ERC1: variants seen among roughly 807,000 people sequenced by gnomAD.
ERC1 encodes the protein RAB6 interacting protein 2.
In ERC1, 56 loss-of-function variants were observed where a neutral mutation model predicts 132.0. The ratio of observed to expected loss-of-function variants is 0.42; its 90% CI spans 0.34 to 0.53. The LOEUF (loss-of-function observed/expected upper bound fraction) is 0.53, where lower values mean the gene tolerates loss of function less well. ERC1 is among the 20% of genes least tolerant of loss of function. The pLI is 0.03. For missense variants in ERC1, 1,202 were observed against 1,349.9 expected (o/e 0.89, Z 1.72); for synonymous variants, 478 against 476.1 (o/e 1.00, Z -0.05).
intron 1 of ERC1, among the ~76,000 whole-genome samples, chr12:1,017,253 T>A (rs1249209598): frequency 1.3e-5 from 2 of 152,180 alleles, no homozygotes; most frequent in Non-Finnish European, 2.9e-5. Flanking sequence ...CGCCTCAGCC[T>A]CCCAAAGTGC....
intron 2 of ERC1, among the ~76,000 whole-genome samples, chr12:1,063,115 G>A (rs1328825656): frequency 7.2e-5 from 11 of 151,888 alleles, no homozygotes. Flanking sequence ...CCAGGCTGGA[G>A]TGACTGTAGT....
chr12:1,150,993 AATGTAAG>A (rs1364990653), intron 8 of ERC1, among the ~76,000 whole-genome samples: 13 of 152,216 alleles, frequency 8.5e-5, no homozygotes, highest in Non-Finnish European at 1.6e-4. Context: ...GTGTCATACT[AATGTAAG>A]ATGTTAACAG....
At chr12:1,136,074 T>G (rs1381983679) in intron 7 of ERC1, among the ~76,000 whole-genome samples, 1 of 152,208 alleles carries the variant, frequency 6.6e-6, no homozygotes, top group Non-Finnish European at 1.5e-5. Flanking sequence ...CCATTTAGTC[T>G]TCTTCATCAG....
At chr12:1,132,448 C>T (rs55846332) in intron 7 of ERC1, among the ~76,000 whole-genome samples, 7,359 of 152,190 alleles carry the variant, frequency 0.048, 265 homozygotes, top group Middle Eastern at 0.1. Context: ...TCACCTTTTT[C>T]GGTCACCAAT....
At chr12:1,272,647 C>G (rs143339684) in intron 14 of ERC1, among the ~76,000 whole-genome samples, 2 of 152,056 alleles carry the variant, frequency 1.3e-5, no homozygotes, top group African/African-American at 4.8e-5. Context: ...CCATGGTCTT[C>G]TCATAAAAAG....
At position 1,495,416 on chromosome 12, in the gene ERC1, C is replaced by A; in HGVS notation, c.*5186C>A. ...CCACTGTCAGGAAAGGAAGTGAACC[C>A]TACTGAAGCCAGAGAATTCACCCCG... On this transcript the variant is annotated 3_prime_UTR_variant, in exon 19 of 19. Transcript: ENST00000360905. 1 of 228,416 alleles carries A rather than the reference C, an allele frequency of 4.4e-6. No homozygotes were observed. The highest frequency in any genetic ancestry group is 8.7e-6 in the Non-Finnish European group (1 of 115,040). 14.1% of individuals were successfully genotyped at this position (228,416 alleles called of 1,614,324 possible).
rs188194442 is a variant in ERC1, at chr12:1,485,239, C to T, written c.3214-4854C>T. ...TTTTTTTTTGAGACAGAGTCTCGCT[C>T]TGTCACCCAGGCTGGAGTGCAGTGG... On this transcript the variant is annotated intron_variant, in intron 18 of 18. Coordinates refer to ENST00000360905, the MANE Select transcript of ERC1 (RefSeq NM_178040.4). Among the ~76,000 whole-genome samples, 1,262 of 133,096 alleles carry T rather than the reference C, an allele frequency of 9.5e-3. 18 individuals are homozygous for T. Among genetic ancestry groups the T allele is most frequent in the African/African-American group, 0.033 (1,133 of 34,652 alleles). The allele number at this position is 133,096 out of a possible 152,430, so 87.3% of individuals were successfully genotyped here. A position where few individuals can be genotyped will look rare whatever the true frequency, so the allele number is the denominator to read the frequency against.
At chr12:1,423,667 A>G (rs547196770) in intron 17 of ERC1, among the ~76,000 whole-genome samples, 4 of 152,326 alleles carry the variant, frequency 2.6e-5, no homozygotes, top group African/African-American at 9.6e-5. Context: ...ATTGCAGAGA[A>G]AGAAGCATTC....
intron 12 of ERC1, among the ~76,000 whole-genome samples, chr12:1,199,162 C>T (rs1956647707): frequency 6.6e-6 from 1 of 150,832 alleles, no homozygotes; most frequent in Admixed American, 6.6e-5. Flanking sequence ...ATGATCCAGT[C>T]ACTTCCCACC....
intron 2 of ERC1, among the ~76,000 whole-genome samples, chr12:1,047,104 A>G (rs1304443133): frequency 6.6e-6 from 1 of 152,070 alleles, no homozygotes; most frequent in African/African-American, 2.4e-5. Flanking sequence ...GAAATGTCCT[A>G]CTTATTGATG....
intron 17 of ERC1, among the ~76,000 whole-genome samples, chr12:1,419,630 CT>C (rs1359918092): frequency 6.6e-6 from 1 of 151,234 alleles, no homozygotes; most frequent in Non-Finnish European, 1.5e-5. Context: ...GACATAAAAC[CT>C]TGTGAAAAAC....
At chr12:1,154,330 T>TATATACAC (rs373366048) in intron 8 of ERC1, among the ~76,000 whole-genome samples, 14 of 137,472 alleles carry the variant, frequency 1.0e-4, no homozygotes, top group African/African-American at 3.8e-4. Context: ...TATATATATA[T>TATATACAC]ACACACATAC....
chr12:1,352,152 A>C (rs79157690), intron 15 of ERC1, among the ~76,000 whole-genome samples: 2 of 152,080 alleles, frequency 1.3e-5, no homozygotes, highest in East Asian at 3.8e-4. Flanking sequence ...GGCTCCTCCT[A>C]CCACAAGCCT....
At chr12:1,068,494 AG>A (rs1555224851) in intron 2 of ERC1, among the ~76,000 whole-genome samples, 1 of 152,104 alleles carries the variant, frequency 6.6e-6, no homozygotes, top group Non-Finnish European at 1.5e-5. Context: ...TAAAAAAAAA[AG>A]TAGTCACTCA....
At chr12:1,198,813 C>A (rs1956585570) in intron 12 of ERC1, among the ~76,000 whole-genome samples, 3 of 152,136 alleles carry the variant, frequency 2.0e-5, no homozygotes, top group African/African-American at 7.2e-5. Context: ...CACACACTTT[C>A]AAACAACCAG....
At chr12:1,449,261 G>A (rs138664258) in intron 18 of ERC1, among the ~76,000 whole-genome samples, 1 of 152,268 alleles carries the variant, frequency 6.6e-6, no homozygotes, top group African/African-American at 2.4e-5. Context: ...GGACTTTTGG[G>A]TTAATGCTGG....
chr12:1,287,236 T>G (rs1328001540), intron 14 of ERC1, among the ~76,000 whole-genome samples: 3 of 152,212 alleles, frequency 2.0e-5, no homozygotes, highest in African/African-American at 7.2e-5. Flanking sequence ...CCTCATACCA[T>G]ATACAAAAAT....
At chr12:1,226,396 A>C (rs2154297738) in intron 12 of ERC1, among the ~76,000 whole-genome samples, 1 of 152,296 alleles carries the variant, frequency 6.6e-6, no homozygotes, top group East Asian at 1.9e-4. Flanking sequence ...CACCTTTATC[A>C]CCTCACATAG....
At chr12:1,414,479 T>G (rs965312655) in intron 17 of ERC1, among the ~76,000 whole-genome samples, 4 of 152,114 alleles carry the variant, frequency 2.6e-5, no homozygotes, top group Non-Finnish European at 1.5e-5. Flanking sequence ...TTTTGCAGAT[T>G]AGGGTTTCAA....
Sources: allele counts gnomAD v4.1 joint callset (sites outside exome capture counted in the v4.1 genomes callset), GRCh38; gene constraint gnomAD v4.1.1; transcripts MANE v1.5; gene names NCBI Gene and HGNC (gene_info 2026-07-23, HGNC 2026-07-21).